DTNBP1: variants seen among roughly 807,000 people sequenced by gnomAD.
The protein encoded by DTNBP1 is dystrobrevin binding protein 1.
A neutral mutation model predicts 42.8 loss-of-function variants in DTNBP1; 35 were observed. The observed-to-expected ratio is 0.82, with a 90% CI of 0.63 to 1.09. The LOEUF (loss-of-function observed/expected upper bound fraction) is 1.09. Among genes scored for constraint, DTNBP1 ranks in the 50% least tolerant of loss-of-function variants. The pLI, the probability that DTNBP1 is intolerant of heterozygous loss-of-function variation, is 0.00. For synonymous variants in DTNBP1, 171 were observed against 162.2 expected, an observed-to-expected ratio of 1.05 and a Z score of -0.41; for missense variants, 457 against 424.2, an observed-to-expected ratio of 1.08 and a Z score of -0.68.
intron 7 of DTNBP1, among the ~76,000 whole-genome samples, chr6:15,549,367 C>G (rs1453213363): frequency 6.6e-6 from 1 of 151,862 alleles, no homozygotes; most frequent in Non-Finnish European, 1.5e-5. Flanking sequence ...TGCCTGTAAT[C>G]CCAGCTAGTC....
intron 6 of DTNBP1, 77 bp from the exon 7 acceptor site, chr6:15,593,158 T>C: frequency 7.5e-7 from 1 of 1,339,246 alleles, no homozygotes; most frequent in African/African-American, 1.5e-5. Context: ...TCCATCATAA[T>C]AAAAACTTAT....
intron 7 of DTNBP1, among the ~76,000 whole-genome samples, chr6:15,570,994 T>C (rs1206169076): frequency 6.6e-6 from 1 of 152,230 alleles, no homozygotes; most frequent in African/African-American, 2.4e-5. Flanking sequence ...TTAATGGCAT[T>C]AAGAAATTAT....
intron 7 of DTNBP1, among the ~76,000 whole-genome samples, chr6:15,566,889 G>A (rs142254461): frequency 2.6e-5 from 4 of 152,042 alleles, no homozygotes; most frequent in East Asian, 1.9e-4. Flanking sequence ...ACGGGGTTTC[G>A]CCAGTTGGCC....
chr6:15,625,710 G>A (rs574371707), intron 5 of DTNBP1, among the ~76,000 whole-genome samples: 2 of 152,136 alleles, frequency 1.3e-5, no homozygotes, highest in South Asian at 4.1e-4. Flanking sequence ...ACAACTATCC[G>A]TAAACAGATT....
intron 7 of DTNBP1, among the ~76,000 whole-genome samples, chr6:15,550,794 C>G (rs1774170953): frequency 6.6e-6 from 1 of 152,134 alleles, no homozygotes; most frequent in African/African-American, 2.4e-5. Context: ...AGATTCTGCC[C>G]CTCCCAGGCA....
intron 7 of DTNBP1, among the ~76,000 whole-genome samples, chr6:15,561,412 T>C (rs1774834806): frequency 6.6e-6 from 1 of 152,246 alleles, no homozygotes; most frequent in South Asian, 2.1e-4. Flanking sequence ...CTCAATATTT[T>C]ATTAAATTGA....
intron 7 of DTNBP1, among the ~76,000 whole-genome samples, chr6:15,562,671 G>A (rs1485508168): frequency 6.6e-6 from 1 of 152,152 alleles, no homozygotes; most frequent in African/African-American, 2.4e-5. Flanking sequence ...AAGTGTGCCG[G>A]GGAATGGAGT....
chr6:15,646,832 C>T (rs1760708833), intron 3 of DTNBP1, among the ~76,000 whole-genome samples: 1 of 152,038 alleles, frequency 6.6e-6, no homozygotes, highest in South Asian at 2.1e-4. Flanking sequence ...ATGAACAAAA[C>T]TGGACCCCTA....
chr6:15,609,629 GT>G (rs1303299447), intron 6 of DTNBP1, among the ~76,000 whole-genome samples: 1 of 152,236 alleles, frequency 6.6e-6, no homozygotes, highest in East Asian at 1.9e-4. Context: ...TCGTTTTTAA[GT>G]TTTCTTCTGC....
intron 3 of DTNBP1, among the ~76,000 whole-genome samples, chr6:15,643,558 T>G (rs1016999828): frequency 6.6e-6 from 1 of 151,884 alleles, no homozygotes; most frequent in Non-Finnish European, 1.5e-5. Context: ...AAATTACCCA[T>G]AGAGGAAAAC....
intron 7 of DTNBP1, among the ~76,000 whole-genome samples, chr6:15,555,078 T>C (rs768865847): frequency 3.3e-5 from 5 of 151,518 alleles, no homozygotes; most frequent in Non-Finnish European, 7.4e-5. Flanking sequence ...TATCCCATCA[T>C]GGCTGTGAAC....
chr6:15,610,253 C>T (rs1029445843), intron 6 of DTNBP1, among the ~76,000 whole-genome samples: 6 of 152,094 alleles, frequency 3.9e-5, no homozygotes, highest in Admixed American at 3.9e-4. Flanking sequence ...ATTCCTGAGC[C>T]CTTCTAGAAT....
chr6:15,651,012 C>T (rs1458002091), intron 3 of DTNBP1, among the ~76,000 whole-genome samples: 1 of 151,882 alleles, frequency 6.6e-6, no homozygotes, highest in Non-Finnish European at 1.5e-5. Flanking sequence ...AGCAAAAAAA[C>T]AAAATTATTG....
Position 15,525,516 on chromosome 6 carries a change from C to CA in DTNBP1, c.668-848dup, listed in dbSNP as rs577894440. On this transcript the variant is annotated intron_variant, in intron 8 of 9. Transcript: ENST00000344537. ...CCGAGTGAAGGGCAGCAGAAACAAA[C>CA]ATCATCCTCGCTGAAGAATATGAGA... 1.5e-3 allele frequency among the ~76,000 whole-genome samples: 234 copies of CA among 152,338 alleles called. 2 individuals are homozygous for CA. In the Middle Eastern group the frequency reaches 0.02, roughly 13 times the overall value.
intron 7 of DTNBP1, among the ~76,000 whole-genome samples, chr6:15,583,571 A>G (rs987090886): frequency 4.6e-5 from 7 of 152,212 alleles, no homozygotes; most frequent in Non-Finnish European, 7.3e-5. Context: ...TTCAACAGAC[A>G]AAGTCTCTTG....
intron 3 of DTNBP1, among the ~76,000 whole-genome samples, chr6:15,648,487 T>A (rs1760807453): frequency 6.6e-6 from 1 of 152,046 alleles, no homozygotes; most frequent in East Asian, 1.9e-4. Flanking sequence ...TATGATCTTA[T>A]ATGCAGAAAA....
chr6:15,652,279 A>G (rs1226215338), intron 1 of DTNBP1, 139 bp from the exon 2 acceptor site: 10 of 596,464 alleles, frequency 1.7e-5, no homozygotes, highest in Non-Finnish European at 2.9e-5. Flanking sequence ...TCCTGGGCCC[A>G]AGTGATCCTC....
At chr6:15,629,849 C>T (rs944231814) in intron 4 of DTNBP1, among the ~76,000 whole-genome samples, 7 of 152,024 alleles carry the variant, frequency 4.6e-5, no homozygotes, top group Non-Finnish European at 7.4e-5. Context: ...CTTAATCAAC[C>T]TACTAGGGAT....
intron 3 of DTNBP1, among the ~76,000 whole-genome samples, chr6:15,647,554 A>T (rs1245108498): frequency 4.0e-5 from 6 of 151,612 alleles, no homozygotes; most frequent in Non-Finnish European, 1.5e-5. Context: ...GTTTACCTAG[A>T]TTGACTAAGA....
Sources: allele counts gnomAD v4.1 joint callset (sites outside exome capture counted in the v4.1 genomes callset), GRCh38; gene constraint gnomAD v4.1.1; transcripts MANE v1.5; gene names NCBI Gene and HGNC (gene_info 2026-07-23, HGNC 2026-07-21).